SEL1L2: variants seen among roughly 807,000 people sequenced by gnomAD.
SEL1L2 encodes the protein protein sel-1 homolog 2.
SEL1L2 carries 89 observed loss-of-function variants against 98.8 expected under a neutral mutation model. The ratio of observed to expected loss-of-function variants is 0.90; its 90% confidence interval spans 0.76 to 1.07. The LOEUF is 1.07. Ranked by LOEUF, SEL1L2 falls within the 50% of genes least tolerant of loss-of-function variation. The probability of loss-of-function intolerance (pLI) is 0.00; values close to 1 mark genes in which losing one functional copy is unlikely to be tolerated. For missense variants in SEL1L2, 788 were observed against 812.0 expected, an observed-to-expected ratio of 0.97 and a Z score of 0.36; for synonymous variants, 262 against 278.5, an observed-to-expected ratio of 0.94 and a Z score of 0.59.
At chr20:13,942,750 A>G (rs1029845495) in intron 2 of SEL1L2, among the ~76,000 whole-genome samples, 8 of 152,208 alleles carry the variant, frequency 5.3e-5, no homozygotes, top group African/African-American at 1.9e-4. Context: ...ATGTCAGATT[A>G]TTAGCTTTCT....
intron 5 of SEL1L2, among the ~76,000 whole-genome samples, chr20:13,889,847 A>T (rs1443034130): frequency 6.6e-6 from 1 of 152,338 alleles, no homozygotes; most frequent in Non-Finnish European, 1.5e-5. Context: ...TCTTCACATT[A>T]ATTTTAACGT....
At chr20:13,903,117 CAAAAAAAA>C (rs11473702) in intron 5 of SEL1L2, among the ~76,000 whole-genome samples, 2 of 123,104 alleles carry the variant, frequency 1.6e-5, no homozygotes, top group East Asian at 4.7e-4. Flanking sequence ...GGCTCTTTCT[CAAAAAAAA>C]AAAAAAAAAA....
chr20:13,994,815 G>C (rs1412123530), upstream of SEL1L2, among the ~76,000 whole-genome samples: 1 of 152,132 alleles, frequency 6.6e-6, no homozygotes, highest in Admixed American at 6.5e-5. Flanking sequence ...ATAACATTTT[G>C]GTTGTCCGCA....
intron 3 of SEL1L2, among the ~76,000 whole-genome samples, chr20:13,926,178 T>TG (rs1358886550): frequency 6.6e-6 from 1 of 152,126 alleles, no homozygotes; most frequent in Non-Finnish European, 1.5e-5. Context: ...TAGCCAGGCG[T>TG]GGTGCAGGCG....
At chr20:13,849,932 T>C in intron 19 of SEL1L2, 1 of 553,342 alleles carries the variant, frequency 1.8e-6, no homozygotes, top group South Asian at 2.1e-5. Context: ...CACATGTCAC[T>C]GTGCTTAAGG....
upstream of SEL1L2, among the ~76,000 whole-genome samples, chr20:13,991,728 C>T (rs748336327): frequency 6.6e-6 from 1 of 152,324 alleles, no homozygotes; most frequent in Admixed American, 6.5e-5. Flanking sequence ...CGTGGCAGCT[C>T]ACACTTGTAA....
intron 5 of SEL1L2, among the ~76,000 whole-genome samples, chr20:13,909,522 G>A (rs1380860094): frequency 1.3e-5 from 2 of 152,180 alleles, no homozygotes; most frequent in South Asian, 2.1e-4. Flanking sequence ...GCAGGATCCT[G>A]GAGGCTCCCT....
At chr20:13,925,473 T>C (rs2048849875) in intron 3 of SEL1L2, among the ~76,000 whole-genome samples, 1 of 152,218 alleles carries the variant, frequency 6.6e-6, no homozygotes, top group Non-Finnish European at 1.5e-5. Flanking sequence ...CAAGCTTCCT[T>C]GATATTTGCC....
At chr20:13,913,758 G>A (rs1291745669) in intron 5 of SEL1L2, 24 bp downstream of exon 5, 2 of 1,500,086 alleles carry the variant, frequency 1.3e-6, no homozygotes, top group East Asian at 2.6e-5. Flanking sequence ...GCTATTTAAG[G>A]TTTCATTTTC....
chr20:13,980,914 T>C (rs2051790150), intron 1 of SEL1L2, among the ~76,000 whole-genome samples: 1 of 152,144 alleles, frequency 6.6e-6, no homozygotes, highest in African/African-American at 2.4e-5. Flanking sequence ...TGATCTCACT[T>C]ATATGTGGAA....
intron 2 of SEL1L2, among the ~76,000 whole-genome samples, chr20:13,933,963 G>GT (rs55934887): frequency 0.055 from 7,916 of 143,616 alleles, 272 homozygotes; most frequent in Non-Finnish European, 0.077. Context: ...TAAACCTAAG[G>GT]TTTTTTTTTT....
chr20:13,931,422 G>A (rs963338798), intron 3 of SEL1L2, among the ~76,000 whole-genome samples, 181 bp downstream of exon 3: 1 of 129,174 alleles, frequency 7.7e-6, no homozygotes, highest in Non-Finnish European at 1.8e-5. Flanking sequence ...GTGAGACCCT[G>A]TCTCAAAAAA....
intron 3 of SEL1L2, among the ~76,000 whole-genome samples, chr20:13,920,760 G>GT (rs1206541721): frequency 1.3e-5 from 2 of 152,012 alleles, no homozygotes. Flanking sequence ...AGTAGCTCTT[G>GT]TTTTTTATCT....
chr20:13,907,358 AG>A (rs1415890757), intron 5 of SEL1L2, among the ~76,000 whole-genome samples: 2 of 152,116 alleles, frequency 1.3e-5, no homozygotes, highest in Non-Finnish European at 2.9e-5. Flanking sequence ...TGAGGCCAGG[AG>A]TTTGAGACCA....
intron 2 of SEL1L2, among the ~76,000 whole-genome samples, chr20:13,933,677 T>C (rs995778496): frequency 1.3e-5 from 2 of 152,184 alleles, no homozygotes; most frequent in Admixed American, 6.5e-5. Flanking sequence ...ATTAAATAGA[T>C]ACTGTGCCAG....
intron 15 of SEL1L2, among the ~76,000 whole-genome samples, chr20:13,866,091 A>G (rs896936473): frequency 6.6e-6 from 1 of 152,210 alleles, no homozygotes; most frequent in Non-Finnish European, 1.5e-5. Flanking sequence ...AAAGGAGCAA[A>G]TCTAAAGATA....
chr20:13,972,002 T>C (rs1304815988), intron 1 of SEL1L2, among the ~76,000 whole-genome samples: 1 of 152,188 alleles, frequency 6.6e-6, no homozygotes, highest in East Asian at 1.9e-4. Context: ...TGTATATTTA[T>C]AATTGCATAT....
intron 1 of SEL1L2, among the ~76,000 whole-genome samples, chr20:13,961,393 C>T (rs1244026086): frequency 2.0e-5 from 3 of 152,196 alleles, no homozygotes; most frequent in African/African-American, 7.2e-5. Flanking sequence ...TCCTCCCCTT[C>T]CACTGAGATA....
intron 1 of SEL1L2, among the ~76,000 whole-genome samples, chr20:13,979,902 T>C (rs1408620968): frequency 6.6e-6 from 1 of 151,986 alleles, no homozygotes; most frequent in East Asian, 1.9e-4. Context: ...AAGAAAACAA[T>C]TAATAAATTG....
Sources: gnomAD v4.1 joint callset for allele counts (sites outside exome capture counted in the v4.1 genomes callset) on GRCh38, gnomAD v4.1.1 for gene constraint, MANE v1.5 for transcripts, NCBI Gene and HGNC (gene_info 2026-07-23, HGNC 2026-07-21) for gene names.